ZCWPW2: variants seen among roughly 807,000 people sequenced by gnomAD.
ZCWPW2 encodes the protein zinc finger CW-type PWWP domain protein 2.
Under a neutral mutation model 46.6 loss-of-function variants are expected in ZCWPW2, and 45 were observed. The observed-to-expected ratio is 0.96, with a 90% CI of 0.76 to 1.24. The LOEUF is 1.24. Ranked by LOEUF, ZCWPW2 falls within the 50% of genes most tolerant of loss-of-function variation. The pLI, the probability that ZCWPW2 is intolerant of heterozygous loss-of-function variation, is 0.00. For synonymous variants in ZCWPW2, 152 were observed against 137.1 expected, an observed-to-expected ratio of 1.11 and a Z score of -0.76; for missense variants, 429 against 403.9, an observed-to-expected ratio of 1.06 and a Z score of -0.53.
rs531832568 is a variant in ZCWPW2 at position 28,378,620 on chromosome 3, A to G, written c.-133-11878A>G. On this transcript the variant is annotated intron_variant, in intron 1 of 9. Transcript: ENST00000383768. ...AAATCTTGTAGGAAACGAAGTGAGA[A>G]TTTAAGCCCAGACCTAGGGATGATG... Among the ~76,000 whole-genome samples, 5 of 152,264 alleles carry G rather than the reference A, an allele frequency of 3.3e-5. No homozygotes were observed. In the East Asian group the frequency reaches 9.6e-4, roughly 29 times the overall value.
At chr3:28,498,916 TGTTA>T (rs1467286616) in intron 6 of ZCWPW2, among the ~76,000 whole-genome samples, 12 of 152,038 alleles carry the variant, frequency 7.9e-5, no homozygotes, top group Admixed American at 7.2e-4. Flanking sequence ...TCTGTTCCTG[TGTTA>T]GTTTGCTGAG....
intron 6 of ZCWPW2, among the ~76,000 whole-genome samples, chr3:28,506,312 G>A (rs1288677067): frequency 6.6e-6 from 1 of 151,828 alleles, no homozygotes; most frequent in African/African-American, 2.4e-5. Context: ...CATCTAAGGA[G>A]CTTATTTAAA....
intron 3 of ZCWPW2, among the ~76,000 whole-genome samples, chr3:28,429,566 G>T (rs1037786869): frequency 2.0e-5 from 3 of 152,218 alleles, no homozygotes; most frequent in African/African-American, 7.2e-5. Flanking sequence ...CAAGCCAGCT[G>T]CAGAAATTTG....
intron 5 of ZCWPW2, among the ~76,000 whole-genome samples, chr3:28,491,887 T>G (rs1699823585): frequency 6.6e-6 from 1 of 152,110 alleles, no homozygotes; most frequent in South Asian, 2.1e-4. Context: ...CTAGCCAACT[T>G]TAAGAGAGGA....
At chr3:28,376,749 G>A (rs1705511929) in intron 1 of ZCWPW2, among the ~76,000 whole-genome samples, 1 of 152,002 alleles carries the variant, frequency 6.6e-6, no homozygotes, top group Non-Finnish European at 1.5e-5. Context: ...CACCATTTTG[G>A]TGATGTAACT....
chr3:28,369,749 G>A (rs577325197), intron 1 of ZCWPW2, among the ~76,000 whole-genome samples: 21 of 152,310 alleles, frequency 1.4e-4, no homozygotes, highest in East Asian at 3.9e-4. Flanking sequence ...TGCCCTGCCC[G>A]CAGAGGTGGA....
chr3:28,359,523 C>G (rs1276187168), intron 1 of ZCWPW2, among the ~76,000 whole-genome samples: 1 of 151,874 alleles, frequency 6.6e-6, no homozygotes, highest in African/African-American at 2.4e-5. Flanking sequence ...AGAAAAAGGC[C>G]TAGAGAAAAA....
intron 2 of ZCWPW2, among the ~76,000 whole-genome samples, chr3:28,398,571 G>A (rs989232699): frequency 6.6e-6 from 1 of 152,142 alleles, no homozygotes; most frequent in Non-Finnish European, 1.5e-5. Flanking sequence ...GAAGGAACCA[G>A]ATTGCTCCTG....
chr3:28,387,286 C>T (rs1279412017), intron 1 of ZCWPW2, among the ~76,000 whole-genome samples: 2 of 152,118 alleles, frequency 1.3e-5, no homozygotes, highest in Non-Finnish European at 1.5e-5. Context: ...TCTTTGTTCC[C>T]ATCTGTCTTC....
Position 28,524,844 on chromosome 3 carries a change from AT to A in ZCWPW2, c.*161del. On this transcript the variant is annotated 3_prime_UTR_variant, in exon 10 of 10. Coordinates refer to ENST00000383768, the MANE Select transcript of ZCWPW2 (RefSeq NM_001040432.4). The stretch of plus-strand genomic sequence containing the variant: ...ACTTCATATTTTGAGAATGGCCATG[AT>A]TTTTAGAGCCAGTCAAATGGTATTT... 1 of 565,128 alleles carries A rather than the reference AT, an allele frequency of 1.8e-6. No individual in the cohort carries two copies. Among genetic ancestry groups the A allele is most frequent in the Non-Finnish European group, 2.6e-6 (1 of 383,084 alleles). The allele number at this position is 565,128 out of a possible 1,614,324, so 35.0% of individuals were successfully genotyped here.
chr3:28,443,200 C>T (rs1256931792), intron 4 of ZCWPW2, among the ~76,000 whole-genome samples: 1 of 152,150 alleles, frequency 6.6e-6, no homozygotes, highest in Non-Finnish European at 1.5e-5. Flanking sequence ...CTGGAATCAA[C>T]GTCAGCTCAG....
At chr3:28,505,209 C>A (rs967489119) in intron 6 of ZCWPW2, among the ~76,000 whole-genome samples, 1 of 152,118 alleles carries the variant, frequency 6.6e-6, no homozygotes, top group African/African-American at 2.4e-5. Context: ...CTTTGATAAG[C>A]CCCTCAAAGC....
intron 4 of ZCWPW2, among the ~76,000 whole-genome samples, chr3:28,435,526 C>T (rs540699851): frequency 6.8e-6 from 1 of 147,398 alleles, no homozygotes; most frequent in East Asian, 2.0e-4. Context: ...CGCTCTGTCA[C>T]CCAGGCTGGA....
At chr3:28,439,161 A>G (rs1697627043) in intron 4 of ZCWPW2, among the ~76,000 whole-genome samples, 1 of 150,886 alleles carries the variant, frequency 6.6e-6, no homozygotes, top group Non-Finnish European at 1.5e-5. Context: ...ATATATATAT[A>G]TACCTACATA....
intron 2 of ZCWPW2, among the ~76,000 whole-genome samples, chr3:28,401,431 A>G (rs530102161): frequency 6.6e-6 from 1 of 152,260 alleles, no homozygotes; most frequent in South Asian, 2.1e-4. Flanking sequence ...TCCCAAATTT[A>G]TAAAACAATT....
intron 2 of ZCWPW2, among the ~76,000 whole-genome samples, chr3:28,408,245 C>T (rs969929714): frequency 1.3e-5 from 2 of 152,050 alleles, no homozygotes; most frequent in African/African-American, 4.8e-5. Flanking sequence ...CTTTTAATCC[C>T]CTTAACATTT....
At chr3:28,413,532 ACTTCT>A (rs1696493828) in intron 3 of ZCWPW2, 132 bp downstream of exon 3, 1 of 775,374 alleles carries the variant, frequency 1.3e-6, no homozygotes, top group Non-Finnish European at 1.9e-6. Flanking sequence ...TCTTTTCCAT[ACTTCT>A]TTGGATTTTT....
chr3:28,430,598 C>T (rs190613335), intron 3 of ZCWPW2, among the ~76,000 whole-genome samples: 33 of 152,166 alleles, frequency 2.2e-4, no homozygotes, highest in Non-Finnish European at 4.3e-4. Flanking sequence ...GTGAGGGGCC[C>T]GTGGCAGAAT....
chr3:28,427,372 A>T (rs1697059624), intron 3 of ZCWPW2, among the ~76,000 whole-genome samples: 1 of 152,206 alleles, frequency 6.6e-6, no homozygotes, highest in Admixed American at 6.5e-5. Context: ...GAGGAGAAGT[A>T]ATCATGTTTT....
Sources: allele counts gnomAD v4.1 joint callset (sites outside exome capture counted in the v4.1 genomes callset), GRCh38; gene constraint gnomAD v4.1.1; transcripts MANE v1.5; gene names NCBI Gene and HGNC (gene_info 2026-07-23, HGNC 2026-07-21).